Variants in PPP1R36 observed in about 807,000 individuals in gnomAD.
PPP1R36 encodes the protein protein phosphatase 1 regulatory subunit 36.
In PPP1R36, 47 loss-of-function variants were observed where a neutral mutation model predicts 53.4. The ratio of observed to expected loss-of-function variants is 0.88; its 90% confidence interval spans 0.70 to 1.12. The LOEUF (loss-of-function observed/expected upper bound fraction) is 1.12, where lower values mean the gene tolerates loss of function less well. Among genes scored for constraint, PPP1R36 ranks in the 50% most tolerant of loss-of-function variants. PPP1R36 has a pLI of 0.00. For synonymous variants in PPP1R36, 153 were observed against 170.5 expected (o/e 0.90, Z 0.80); for missense variants, 456 against 513.9 (o/e 0.89, Z 1.09).
intron 10 of PPP1R36, 103 bp downstream of exon 10, chr14:64,587,475 T>C: frequency 1.7e-6 from 1 of 605,498 alleles, no homozygotes; most frequent in Middle Eastern, 5.0e-4. Context: ...TTTTTTTTTT[T>C]TTTGAGACAG....
chr14:64,568,454 A>G lies in PPP1R36; in HGVS notation c.533+7A>G. ...AACCCAAAAGCTATATGGTGTAAGTAAGATTTTATAGTGTGCTTTAGAGTT... is the reference window on the plus strand; with the variant it reads ...AACCCAAAAGCTATATGGTGTAAGTGAGATTTTATAGTGTGCTTTAGAGTT... On this transcript the variant is annotated splice_region_variant and intron_variant, in intron 7 of 11. Coordinates refer to ENST00000298705, the MANE Select transcript of PPP1R36 (RefSeq NM_172365.3). The G allele has an allele frequency of 7.4e-7, 1 of 1,352,228 alleles. No homozygotes were observed. The highest frequency in any genetic ancestry group is 1.0e-6 in the Non-Finnish European group (1 of 970,780). The allele number at this position is 1,352,228 out of a possible 1,614,324, so 83.8% of individuals were successfully genotyped here.
chr14:64,565,282 C>T, intron 4 of PPP1R36, 75 bp from the exon 5 acceptor site: 1 of 952,794 alleles, frequency 1.0e-6, no homozygotes, highest in African/African-American at 1.7e-5. Flanking sequence ...ATAAATGCTT[C>T]CTGCACCTCA....
At chr14:64,573,989 A>C (rs1363939176) in intron 7 of PPP1R36, among the ~76,000 whole-genome samples, 1 of 151,200 alleles carries the variant, frequency 6.6e-6, no homozygotes, top group African/African-American at 2.4e-5. Context: ...CAATGATTAA[A>C]TATGAAGGGA....
At chr14:64,578,328 C>G (rs111637006) in intron 8 of PPP1R36, among the ~76,000 whole-genome samples, 53 of 152,282 alleles carry the variant, frequency 3.5e-4, no homozygotes, top group African/African-American at 1.3e-3. Flanking sequence ...GTTGTTCTTT[C>G]TTACAGTAAC....
intron 7 of PPP1R36, among the ~76,000 whole-genome samples, chr14:64,573,913 CAAAAAAAAAAAAA>C (rs35427371): frequency 1.2e-4 from 4 of 32,536 alleles, no homozygotes; most frequent in East Asian, 1.2e-3. Flanking sequence ...GACTCTGTCT[CAAAAAAAAAAAAA>C]AAAAAAAAAA....
At chr14:64,578,711 G>C (rs1258094142) in intron 8 of PPP1R36, among the ~76,000 whole-genome samples, 1 of 152,170 alleles carries the variant, frequency 6.6e-6, no homozygotes. Flanking sequence ...ATTCCTCAAA[G>C]AGCTAAAAGC....
intron 3 of PPP1R36, among the ~76,000 whole-genome samples, chr14:64,560,497 G>T (rs1271561558): frequency 6.6e-6 from 1 of 152,068 alleles, no homozygotes; most frequent in Non-Finnish European, 1.5e-5. Context: ...TGTTTGCGGG[G>T]AGATAAGACT....
intron 3 of PPP1R36, among the ~76,000 whole-genome samples, chr14:64,556,305 G>A (rs779581533): frequency 4.6e-5 from 7 of 151,812 alleles, no homozygotes; most frequent in Non-Finnish European, 8.8e-5. Context: ...GTTTTACCAT[G>A]TTGCCCAGGC....
intron 3 of PPP1R36, among the ~76,000 whole-genome samples, chr14:64,553,321 GT>G (rs2080112779): frequency 6.6e-6 from 1 of 152,138 alleles, no homozygotes; most frequent in African/African-American, 2.4e-5. Flanking sequence ...GCTATTTCAT[GT>G]TTGAGCCTAC....
At chr14:64,556,762 A>ATGTGTGTGTGTGTGTGTGTGTGTGTGTG (rs369620598) in intron 3 of PPP1R36, among the ~76,000 whole-genome samples, 3 of 134,058 alleles carry the variant, frequency 2.2e-5, no homozygotes, top group Non-Finnish European at 3.1e-5. Context: ...TCTCCAAAAA[A>ATGTGTGTGTGTGTGTGTGTGTGTGTGTG]TGTGTGTGTG....
chr14:64,552,520 T>A (rs946263084), intron 2 of PPP1R36, among the ~76,000 whole-genome samples: 1 of 151,968 alleles, frequency 6.6e-6, no homozygotes, highest in Non-Finnish European at 1.5e-5. Flanking sequence ...ATGACAAAAC[T>A]GGCCATGTTT....
chr14:64,584,319 G>A (rs2080414646), intron 8 of PPP1R36, among the ~76,000 whole-genome samples: 1 of 152,202 alleles, frequency 6.6e-6, no homozygotes, highest in African/African-American at 2.4e-5. Context: ...TTTGCCTTGT[G>A]CTGATGTGAG....
chr14:64,552,971 GC>G, intron 3 of PPP1R36, 110 bp downstream of exon 3: 1 of 1,030,548 alleles, frequency 9.7e-7, no homozygotes, highest in Non-Finnish European at 1.4e-6. Flanking sequence ...AATATTAAGT[GC>G]CAATTTTTTT....
Position 64,574,542 on chromosome 14 carries a change from T to G in PPP1R36, c.621T>G (p.Leu207=). The change falls in exon 8 of 12, where the codon CTT becomes CTG. Residue 207 remains leucine (L), a synonymous_variant. Coordinates refer to ENST00000298705, the MANE Select transcript of PPP1R36 (RefSeq NM_172365.3). ...ACTTGGCGCAGAAGTACTGTATCCT[T>G]GTGCTGGGCTTGGCCGTGCCGGATA... ...QRYLAQKYCI[L]VLGLAVPDKH... 6.2e-7 allele frequency: 1 copy of G among 1,614,104 alleles called. No individual in the cohort carries two copies. The highest frequency in any genetic ancestry group is 8.5e-7 in the Non-Finnish European group (1 of 1,179,974).
At chr14:64,588,335 G>A (rs985542803) in intron 11 of PPP1R36, 40 bp downstream of exon 11, 1 of 1,545,756 alleles carries the variant, frequency 6.5e-7, no homozygotes, top group Admixed American at 1.8e-5. Flanking sequence ...GCCTTGAGGT[G>A]GCATCCCAGG....
chr14:64,550,758 T>C (rs2080087810), intron 1 of PPP1R36, among the ~76,000 whole-genome samples, 163 bp from the exon 2 acceptor site: 7 of 152,232 alleles, frequency 4.6e-5, no homozygotes, highest in Admixed American at 4.6e-4. Context: ...ACACTCTTAC[T>C]GAAAGTGTAA....
chr14:64,581,986 G>C (rs1051482463), intron 8 of PPP1R36, among the ~76,000 whole-genome samples: 5 of 152,114 alleles, frequency 3.3e-5, no homozygotes, highest in Non-Finnish European at 7.4e-5. Flanking sequence ...CTCCACCCCC[G>C]CCTCTACGCT....
chr14:64,578,412 A>G (rs533493899), intron 8 of PPP1R36, among the ~76,000 whole-genome samples: 1 of 152,236 alleles, frequency 6.6e-6, no homozygotes, highest in East Asian at 1.9e-4. Context: ...TCTTGAAGAG[A>G]GTAGACTAGA....
chr14:64,578,887 GA>G (rs1351269150), intron 8 of PPP1R36, among the ~76,000 whole-genome samples: 1 of 152,186 alleles, frequency 6.6e-6, no homozygotes, highest in Non-Finnish European at 1.5e-5. Flanking sequence ...ACTGGATAAA[GA>G]AAAGGTGGTA....
Sources: gnomAD v4.1 joint callset for allele counts (sites outside exome capture counted in the v4.1 genomes callset) on GRCh38, gnomAD v4.1.1 for gene constraint, MANE v1.5 for transcripts, NCBI Gene and HGNC (gene_info 2026-07-23, HGNC 2026-07-21) for gene names.